The following SLC7A10 variants were observed in gnomAD, a reference collection of about 807,000 sequenced individuals.
SLC7A10 encodes the protein solute carrier family 7 member 10, also known as asc-type amino acid transporter 1.
SLC7A10 carries 30 observed loss-of-function variants against 52.7 expected under a neutral mutation model. The observed-to-expected ratio is 0.57, with a 90% CI of 0.43 to 0.77. SLC7A10 has a LOEUF of 0.77. SLC7A10 is among the 30% of genes least tolerant of loss of function. The pLI is 0.00. For missense variants in SLC7A10, 581 were observed against 698.5 expected (o/e 0.83, Z 1.90); for synonymous variants, 318 against 314.9 (o/e 1.01, Z -0.10).
Position 33,210,997 on chromosome 19 carries a change from G to A in SLC7A10, c.1017-99C>T. The A allele has an allele frequency of 1.7e-6, 2 of 1,184,692 alleles. No individual in the cohort carries two copies. The highest frequency in any genetic ancestry group is 2.5e-6 in the Non-Finnish European group (2 of 807,140). The allele number at this position is 1,184,692 out of a possible 1,614,324, so 73.4% of individuals were successfully genotyped here. A position where few individuals can be genotyped will look rare whatever the true frequency, so the allele number is the denominator to read the frequency against. ...TGTCGCCTCTGACCTCCTGCTCCGG[G>A]CCCAGCAGCCCCACTGGACAGTTCT... On this transcript the variant is annotated intron_variant, in intron 7 of 10. Coordinates refer to ENST00000253188, the MANE Select transcript of SLC7A10 (RefSeq NM_019849.3). This position sits in a 1 kb window ranked among gnomAD's most constrained non-coding sequence, Gnocchi z 5.6.
chr19:33,211,369 C>T, intron 6 of SLC7A10, 41 bp from the exon 7 acceptor site: 2 of 1,613,578 alleles, frequency 1.2e-6, no homozygotes, highest in Non-Finnish European at 1.7e-6. Context: ...AAGGCCGGGG[C>T]AGGGGCCTGG....
intron 10 of SLC7A10, 84 bp from the exon 11 acceptor site, chr19:33,209,105 G>A: frequency 6.3e-7 from 1 of 1,594,808 alleles, no homozygotes; most frequent in Non-Finnish European, 8.6e-7. Flanking sequence ...CTTGGGCAGG[G>A]GTCTTCAGGG....
rs1233611363 is a variant in SLC7A10 at position 33,215,748 on chromosome 19, C to T, written c.356+21G>A. On this transcript the variant is annotated intron_variant, in intron 2 of 10. Coordinates refer to ENST00000253188, the MANE Select transcript of SLC7A10 (RefSeq NM_019849.3). The stretch of plus-strand genomic sequence containing the variant: ...CATTCCCAAGAGGGTGTCCCCCTGC[C>T]CGCTGGTGCCCCACACTCACCCAGC... The T allele has an allele frequency of 2.6e-6, 4 of 1,548,540 alleles. No homozygotes were observed. In the African/African-American group the frequency reaches 4.1e-5, roughly 16 times the overall value.
chr19:33,215,897 C>T lies in SLC7A10; in HGVS notation c.228G>A (p.Leu76=), dbSNP rs199612653. The part of the protein sequence containing the change: ...LEHSGSVGLA[L]FVWVLGGGVT... ...CGCCCCCACCCAGGACCCAGACGAACAGGGCCAGACCCACGGAGCCTGAGT... is the reference window on the plus strand; with the variant it reads ...CGCCCCCACCCAGGACCCAGACGAATAGGGCCAGACCCACGGAGCCTGAGT... The change falls in exon 2 of 11, where the codon CTG becomes CTA. Residue 76 remains leucine, a synonymous_variant. Coordinates refer to ENST00000253188, the MANE Select transcript of SLC7A10 (RefSeq NM_019849.3). 26 of 1,611,126 alleles carry T rather than the reference C, an allele frequency of 1.6e-5. No homozygotes were observed. The highest frequency in any genetic ancestry group is 2.1e-5 in the Non-Finnish European group (25 of 1,179,028).
At chr19:33,218,737 C>T (rs1269183462) in intron 1 of SLC7A10, among the ~76,000 whole-genome samples, 5 of 134,544 alleles carry the variant, frequency 3.7e-5, no homozygotes, top group Admixed American at 2.3e-4. Flanking sequence ...AGGCTGGTCT[C>T]GAACTCCTGA....
chr19:33,219,469 T>A (rs1974768011), intron 1 of SLC7A10, among the ~76,000 whole-genome samples: 1 of 151,932 alleles, frequency 6.6e-6, no homozygotes, highest in Non-Finnish European at 1.5e-5. Context: ...GCAGTCTGAT[T>A]TGGGGAGGGG....
At chr19:33,211,114 A>T (rs1171264490) in intron 7 of SLC7A10, 111 bp downstream of exon 7, 5 of 1,122,534 alleles carry the variant, frequency 4.5e-6, no homozygotes, top group African/African-American at 1.5e-5. Flanking sequence ...TCCCAGCTTC[A>T]GGCAGACCCC....
At chr19:33,214,600 C>T (rs567807346) in intron 2 of SLC7A10, among the ~76,000 whole-genome samples, 2 of 152,258 alleles carry the variant, frequency 1.3e-5, no homozygotes, top group Admixed American at 6.5e-5. Context: ...AGACTCCCTG[C>T]GCTCACCTGG....
chr19:33,209,221 C>A, intron 10 of SLC7A10, 87 bp downstream of exon 10: 1 of 1,577,634 alleles, frequency 6.3e-7, no homozygotes, highest in East Asian at 2.3e-5. Context: ...GCTAGGACAC[C>A]CTGCTCTGGG....
chr19:33,209,943 ATT>A (rs11455629), intron 9 of SLC7A10, among the ~76,000 whole-genome samples: 8 of 141,952 alleles, frequency 5.6e-5, no homozygotes, highest in East Asian at 4.1e-4. Context: ...ATTTTCTTTA[ATT>A]TTTTTTTTTT....
rs1974516335 is a variant in SLC7A10, at chr19:33,210,395, C to T, written c.1263+72G>A. The T allele has an allele frequency of 6.5e-7, 1 of 1,527,528 alleles. No individual in the cohort carries two copies. Among genetic ancestry groups the T allele is most frequent in the Non-Finnish European group, 8.8e-7 (1 of 1,139,954 alleles). 94.6% of individuals were successfully genotyped at this position (1,527,528 alleles called of 1,614,324 possible). A position where few individuals can be genotyped will look rare whatever the true frequency, so the allele number is the denominator to read the frequency against. On this transcript the variant is annotated intron_variant, in intron 9 of 10. Coordinates refer to ENST00000253188, the MANE Select transcript of SLC7A10 (RefSeq NM_019849.3). This position sits in a 1 kb window ranked among gnomAD's most constrained non-coding sequence, Gnocchi z 5.6. ...CTGGCACCTCCCATCCCACCTGCCC[C>T]TGGTGCCCACTGTGGATGCAGGGGT...
At position 33,211,430 on chromosome 19, in the gene SLC7A10, G is replaced by A; in HGVS notation, c.896C>T (p.Ser299Phe). ...CCCACTCACCACAGCCACCGCATTG[G>A]AGGAGAGCAGCTCCTGGGGGGACAT... ...TAMSPQELLS[S>F]NAVAVTFGEK... Residue 299 changes from serine (S) to phenylalanine (F), a missense_variant, in exon 6 of 11, where the codon TCC (serine) becomes TTC (phenylalanine). Physicochemically the swap from Ser to Phe is radical, Grantham distance 155. Transcript: ENST00000253188. The A allele has an allele frequency of 1.2e-6, 2 of 1,614,048 alleles. No homozygotes were observed. Among genetic ancestry groups the A allele is most frequent in the Non-Finnish European group, 1.7e-6 (2 of 1,179,996 alleles).
intron 1 of SLC7A10, among the ~76,000 whole-genome samples, chr19:33,218,685 T>TC (rs1288321072): frequency 8.2e-5 from 3 of 36,526 alleles, no homozygotes; most frequent in African/African-American, 1.7e-4. Flanking sequence ...TTCTTTCTTT[T>TC]TTTTTTTTTT....
At chr19:33,225,436 T>G in intron 1 of SLC7A10, 117 bp downstream of exon 1, 2 of 1,277,612 alleles carry the variant, frequency 1.6e-6, no homozygotes, top group Non-Finnish European at 2.2e-6. Flanking sequence ...GAGGCCAGAC[T>G]GCAGGTTCCC....
chr19:33,223,690 C>G (rs936695576), intron 1 of SLC7A10, among the ~76,000 whole-genome samples: 4 of 152,176 alleles, frequency 2.6e-5, no homozygotes, highest in Non-Finnish European at 5.9e-5. Context: ...CCAAGACCAC[C>G]ACTGAGTGCC....
At position 33,225,783 on chromosome 19, in the gene SLC7A10, G is replaced by T; in HGVS notation, c.-80C>A. 1 of 1,380,554 alleles carries T rather than the reference G, an allele frequency of 7.2e-7. No individual in the cohort carries two copies. The highest frequency in any genetic ancestry group is 9.4e-7 in the Non-Finnish European group (1 of 1,067,094). 85.5% of individuals were successfully genotyped at this position (1,380,554 alleles called of 1,614,324 possible). A position where few individuals can be genotyped will look rare whatever the true frequency, so the allele number is the denominator to read the frequency against. ...CGCCCGTCGGTCCGTCGGTCCGTGAGCTCACGGCCCTCGCAGCCGGGACAG... is the reference window on the plus strand; with the variant it reads ...CGCCCGTCGGTCCGTCGGTCCGTGATCTCACGGCCCTCGCAGCCGGGACAG... On this transcript the variant is annotated 5_prime_UTR_variant, in exon 1 of 11. Coordinates refer to ENST00000253188, the MANE Select transcript of SLC7A10 (RefSeq NM_019849.3).
chr19:33,216,601 C>G (rs1974689610), intron 1 of SLC7A10, among the ~76,000 whole-genome samples: 1 of 151,994 alleles, frequency 6.6e-6, no homozygotes, highest in East Asian at 1.9e-4. Flanking sequence ...ATTTCCTTTC[C>G]TTTCCTTTCT....
At chr19:33,213,618 C>T (rs1974608005) in intron 2 of SLC7A10, among the ~76,000 whole-genome samples, 1 of 152,192 alleles carries the variant, frequency 6.6e-6, no homozygotes, top group African/African-American at 2.4e-5. Flanking sequence ...CAACTAGGCC[C>T]CCCATTGGAC....
At position 33,216,780 on chromosome 19, in the gene SLC7A10, C is replaced by T. The variant is rs561547002; in HGVS notation, c.152-807G>A. Among the ~76,000 whole-genome samples, 18 of 152,270 alleles carry T rather than the reference C, an allele frequency of 1.2e-4. No homozygotes were observed. In the South Asian group the frequency reaches 3.7e-3, roughly 32 times the overall value. On this transcript the variant is annotated intron_variant, in intron 1 of 10. Transcript: ENST00000253188. ...TTTTTAGTAGAGATGGGGTTTCACCCTGTGGATCAGGCTGGTCTCGAACTC... is the reference window on the plus strand; with the variant it reads ...TTTTTAGTAGAGATGGGGTTTCACCTTGTGGATCAGGCTGGTCTCGAACTC...
Sources: allele counts gnomAD v4.1 joint callset (sites outside exome capture counted in the v4.1 genomes callset), GRCh38; gene constraint gnomAD v4.1.1; non-coding constraint Gnocchi (gnomAD v3.1); transcripts MANE v1.5; gene names NCBI Gene and HGNC (gene_info 2026-07-23, HGNC 2026-07-21).